The following RNF167 variants were observed in gnomAD, a reference collection of about 807,000 sequenced individuals.
The protein encoded by RNF167 is ring finger protein 167.
A neutral mutation model predicts 34.8 loss-of-function variants in RNF167; 19 were observed. That is an observed-to-expected ratio of 0.55 (90% CI 0.38 to 0.80). The LOEUF is 0.80. Ranked by LOEUF, RNF167 falls within the 30% of genes least tolerant of loss-of-function variation. The pLI is 0.00. For missense variants in RNF167, 464 were observed against 447.0 expected (o/e 1.04, Z -0.34); for synonymous variants, 200 against 170.4 (o/e 1.17, Z -1.35).
rs1043874 is a variant in RNF167 at position 4,945,081 on chromosome 17, C to T, written c.*65C>T. The T allele has an allele frequency of 5.9e-6, 8 of 1,360,470 alleles. No individual in the cohort carries two copies. In the Admixed American group the frequency reaches 1.5e-4, roughly 25 times the overall value. 84.3% of individuals were successfully genotyped at this position (1,360,470 alleles called of 1,614,324 possible). ...AGACCGTCGTCTTCCCTCCAGTCTT[C>T]TGAGGGATAGGGGACATTCCATCCC... On this transcript the variant is annotated 3_prime_UTR_variant, in exon 10 of 10. Transcript: ENST00000262482.
intron 8 of RNF167, chr17:4,944,294 C>T: frequency 3.1e-6 from 2 of 648,272 alleles, no homozygotes; most frequent in Non-Finnish European, 4.2e-6. Context: ...TGGCAGAAGC[C>T]CTGCCCATTT....
At chr17:4,941,386 C>T (rs1260109596) in intron 3 of RNF167, among the ~76,000 whole-genome samples, 2 of 152,100 alleles carry the variant, frequency 1.3e-5, no homozygotes, top group African/African-American at 4.8e-5. Flanking sequence ...CCGAGGTTAT[C>T]AGGGAGACTG....
Position 4,944,920 on chromosome 17 carries a change from C to G in RNF167, c.957C>G (p.Thr319=). 6.2e-7 allele frequency: 1 copy of G among 1,613,656 alleles called. No individual in the cohort carries two copies. ...TGGGTTCTAGCCCCACTCTTCCCACCTCCTTTGGTTCCTTAGCCCCAGCTC... is the reference window on the plus strand; with the variant it reads ...TGGGTTCTAGCCCCACTCTTCCCACGTCCTTTGGTTCCTTAGCCCCAGCTC... ...PLLGSSPTLP[T]SFGSLAPAPL... is the part of the protein sequence containing the mutation. The change falls in exon 10 of 10, where the codon ACC becomes ACG. Residue 319 remains threonine (T), a synonymous_variant. Coordinates refer to ENST00000262482, the MANE Select transcript of RNF167 (RefSeq NM_015528.3).
intron 8 of RNF167, chr17:4,944,332 C>G: frequency 1.8e-6 from 2 of 1,106,480 alleles, no homozygotes; most frequent in Non-Finnish European, 2.3e-6. Flanking sequence ...TATCTCCACC[C>G]TCACACCTCC....
intron 1 of RNF167, 53 bp from the exon 2 acceptor site, chr17:4,940,434 C>T (rs1970670788): frequency 6.3e-6 from 1 of 159,784 alleles, no homozygotes; most frequent in Non-Finnish European, 1.4e-5. Context: ...GTGCCCCTTC[C>T]ATCTCCACAG....
intron 8 of RNF167, among the ~76,000 whole-genome samples, 165 bp downstream of exon 8, chr17:4,943,684 G>A (rs1971073207): frequency 6.6e-6 from 1 of 152,194 alleles, no homozygotes; most frequent in Non-Finnish European, 1.5e-5. Flanking sequence ...AAGGTGGGCA[G>A]GTCACTTGAG....
At chr17:4,942,804 T>G (rs891035317) in intron 5 of RNF167, 47 bp from the exon 6 acceptor site, 1 of 1,600,158 alleles carries the variant, frequency 6.2e-7, no homozygotes, top group South Asian at 1.1e-5. Flanking sequence ...CCAGAGGATT[T>G]GAGTAGAAGG....
At position 4,940,976 on chromosome 17, in the gene RNF167, C is replaced by T. The variant is rs761978619; in HGVS notation, c.67C>T (p.Arg23Trp). The T allele has an allele frequency of 2.5e-6, 4 of 1,612,426 alleles. No homozygotes were observed. The East Asian group carries it at 6.7e-5, about 27-fold the overall frequency. Reference sequence around the variant, plus strand: ...TGTGCTGTGGGGAGCGGCCCCGACCCGGGGGCTCATTCGAGCGGTGAGTCT... The same window carrying T: ...TGTGCTGTGGGGAGCGGCCCCGACCTGGGGGCTCATTCGAGCGGTGAGTCT... ...AAVLWGAAPT[R>W]GLIRATSDHN... The change falls in exon 2 of 10, where the codon CGG becomes TGG. Residue 23 changes from arginine (R) to tryptophan (W), a missense_variant. Coordinates refer to ENST00000262482, the MANE Select transcript of RNF167 (RefSeq NM_015528.3).
In RNF167 at chr17:4,940,469, T is replaced by G. The variant is rs1246617519; in HGVS notation, c.-423-18T>G. On this transcript the variant is annotated intron_variant, in intron 1 of 9. Coordinates refer to ENST00000262482, the MANE Select transcript of RNF167 (RefSeq NM_015528.3). ...GGCAGTCCCTCCATCGCTAACCTTT[T>G]TTTAACCGGCCTTTTAGGACCGGAA... 1 of 162,666 alleles carries G rather than the reference T, an allele frequency of 6.1e-6. No homozygotes were observed. Among genetic ancestry groups the G allele is most frequent in the Non-Finnish European group, 1.3e-5 (1 of 74,960 alleles). 10.1% of individuals were successfully genotyped at this position (162,666 alleles called of 1,614,324 possible).
In RNF167 at chr17:4,945,007, C is replaced by G. The variant is rs765964485; in HGVS notation, c.1044C>G (p.Ile348Met). 1 of 1,544,548 alleles carries G rather than the reference C, an allele frequency of 6.5e-7. No individual in the cohort carries two copies. The highest frequency in any genetic ancestry group is 1.4e-5 in the African/African-American group (1 of 72,608). The part of the protein sequence containing the change: ...PPLSPPSSPV[I>M]LV ...TGTCCCCTCCCTCTTCCCCTGTTAT[C>G]CTGGTCTAATAACCCCCCACACATA... Residue 348 changes from isoleucine to methionine, a missense_variant, in exon 10 of 10, where the codon ATC becomes ATG. Transcript: ENST00000262482.
intron 8 of RNF167, 57 bp downstream of exon 8, chr17:4,943,576 C>T: frequency 7.2e-7 from 1 of 1,392,650 alleles, no homozygotes; most frequent in Non-Finnish European, 1.0e-6. Flanking sequence ...TTCTGAAGGA[C>T]TTTGAGCCCA....
At position 4,942,624 on chromosome 17, in the gene RNF167, T is replaced by G; in HGVS notation, c.339T>G (p.Asn113Lys). 6.2e-7 allele frequency: 1 copy of G among 1,614,136 alleles called. No homozygotes were observed. The highest frequency in any genetic ancestry group is 8.5e-7 in the Non-Finnish European group (1 of 1,180,038). Residue 113 changes from asparagine to lysine, a missense_variant, in exon 5 of 10, where the codon AAT (asparagine) becomes AAG (lysine). Asn to Lys is a moderately conservative substitution (Grantham distance 94, BLOSUM62 0). Coordinates refer to ENST00000262482, the MANE Select transcript of RNF167 (RefSeq NM_015528.3). ...GATATGGTGCCGCTGTAGTACACAA[T>G]GTGAATTCCAATGAACTTCTGAACA... ...KAGYGAAVVH[N>K]VNSNELLNMV...
Position 4,940,877 on chromosome 17 carries a change from C to G in RNF167, c.-33C>G. The G allele has an allele frequency of 6.6e-7, 1 of 1,526,524 alleles. No individual in the cohort carries two copies. Among genetic ancestry groups the G allele is most frequent in the Non-Finnish European group, 8.8e-7 (1 of 1,134,558 alleles). The allele number at this position is 1,526,524 out of a possible 1,614,324, so 94.6% of individuals were successfully genotyped here. ...GCTTCTGCTCCTTGCTACCAGGACG[C>G]GCGGCCTCCTCAGCCTCTTTCCTCC... On this transcript the variant is annotated 5_prime_UTR_variant, in exon 2 of 10. Coordinates refer to ENST00000262482, the MANE Select transcript of RNF167 (RefSeq NM_015528.3).
At chr17:4,942,309 A>G in intron 3 of RNF167, 32 bp from the exon 4 acceptor site, 1 of 1,609,080 alleles carries the variant, frequency 6.2e-7, no homozygotes, top group Non-Finnish European at 8.5e-7. Context: ...TAGAAAGGAG[A>G]AATCTCACTG....
chr17:4,944,400 A>T (rs1971166644), intron 8 of RNF167, 158 bp from the exon 9 acceptor site: 1 of 1,380,116 alleles, frequency 7.2e-7, no homozygotes, highest in Non-Finnish European at 9.4e-7. Flanking sequence ...TTCTAGCCCT[A>T]AATTCTTCCA....
chr17:4,940,757 C>A lies in RNF167; in HGVS notation c.-153C>A. The A allele has an allele frequency of 1.7e-6, 1 of 605,676 alleles. No homozygotes were observed. Among genetic ancestry groups the A allele is most frequent in the Non-Finnish European group, 2.8e-6 (1 of 357,884 alleles). 37.5% of individuals were successfully genotyped at this position (605,676 alleles called of 1,614,324 possible). A position where few individuals can be genotyped will look rare whatever the true frequency, so the allele number is the denominator to read the frequency against. On this transcript the variant is annotated 5_prime_UTR_variant, in exon 2 of 10. Coordinates refer to ENST00000262482, the MANE Select transcript of RNF167 (RefSeq NM_015528.3). ...ATATCTCATTCTTTGAGTTGGTGTT[C>A]CTTCCCCGGCGCCCCCATGTAGCTG...
chr17:4,942,660 TAGTGGTA>T lies in RNF167; in HGVS notation c.378_379+5del. ...ATGAACTTCTGAACATGGTGTGGAA[TAGTGGTA>T]AGGCTGGGGGAATCTATACAGCTGG... On this transcript the variant is annotated splice_donor_variant and splice_donor_region_variant and coding_sequence_variant and intron_variant, in exon 5 of 10. Transcript: ENST00000262482. LOFTEE classifies it high-confidence loss of function. The T allele has an allele frequency of 6.2e-7, 1 of 1,614,090 alleles. No homozygotes were observed. Among genetic ancestry groups the T allele is most frequent in the Non-Finnish European group, 8.5e-7 (1 of 1,179,978 alleles).
Position 4,944,798 on chromosome 17 carries a change from C to G in RNF167, c.835C>G (p.Pro279Ala). The stretch of plus-strand genomic sequence containing the variant: ...TTGCAAGCAGCCTGTTCATCGGGGT[C>G]CTGGGGACGAAGACCAAGAGGAAGA... Reference protein sequence around the residue: ...PICKQPVHRGPGDEDQEEETQ... With the variant: ...PICKQPVHRGAGDEDQEEETQ... Residue 279 changes from proline (P) to alanine (A), a missense_variant, in exon 10 of 10, where the codon CCT becomes GCT. Coordinates refer to ENST00000262482, the MANE Select transcript of RNF167 (RefSeq NM_015528.3). 1.2e-6 allele frequency: 2 copies of G among 1,612,274 alleles called. No homozygotes were observed. Among genetic ancestry groups the G allele is most frequent in the Middle Eastern group, 1.7e-4 (1 of 6,044 alleles).
intron 8 of RNF167, among the ~76,000 whole-genome samples, chr17:4,944,089 G>A (rs1338275081): frequency 2.6e-5 from 4 of 152,242 alleles, no homozygotes; most frequent in African/African-American, 9.6e-5. Flanking sequence ...ACGAAGACGG[G>A]AGAGGAGATG....
Sources: allele counts gnomAD v4.1 joint callset (sites outside exome capture counted in the v4.1 genomes callset), GRCh38; gene constraint gnomAD v4.1.1; transcripts MANE v1.5; gene names NCBI Gene and HGNC (gene_info 2026-07-23, HGNC 2026-07-21).